Variants in GPC5 observed in about 807,000 individuals in gnomAD.
The protein encoded by GPC5 is glypican-5.
A neutral mutation model predicts 53.9 loss-of-function variants in GPC5; 47 were observed. The ratio of observed to expected loss-of-function variants is 0.87; its 90% CI spans 0.69 to 1.11. GPC5 has a LOEUF of 1.11. Among genes scored for constraint, GPC5 ranks in the 50% most tolerant of loss-of-function variants. The pLI is 0.00. For missense variants in GPC5, 748 were observed against 713.1 expected (o/e 1.05, Z -0.56); for synonymous variants, 286 against 263.3 (o/e 1.09, Z -0.84).
intron 2 of GPC5, among the ~76,000 whole-genome samples, chr13:91,505,352 G>GA (rs1234103689): frequency 6.6e-6 from 1 of 152,138 alleles, no homozygotes; most frequent in Non-Finnish European, 1.5e-5. Flanking sequence ...ATAATAATTG[G>GA]ATGATTACTT....
At chr13:91,651,198 G>T (rs2034700537) in intron 2 of GPC5, among the ~76,000 whole-genome samples, 1 of 151,622 alleles carries the variant, frequency 6.6e-6, no homozygotes, top group Non-Finnish European at 1.5e-5. Flanking sequence ...CTGTAGAAAT[G>T]GTCAAAGAGC....
At chr13:92,512,078 A>G (rs2138953653) in intron 7 of GPC5, among the ~76,000 whole-genome samples, 1 of 152,302 alleles carries the variant, frequency 6.6e-6, no homozygotes, top group African/African-American at 2.4e-5. Flanking sequence ...GACCAAGTTT[A>G]TCCTGTTTTC....
chr13:91,920,100 T>C (rs1016226966), intron 6 of GPC5, among the ~76,000 whole-genome samples: 7 of 151,290 alleles, frequency 4.6e-5, no homozygotes, highest in East Asian at 1.9e-4. Context: ...AAGGACAATA[T>C]GAAAAATGTA....
At chr13:91,668,905 C>G (rs2035179990) in intron 2 of GPC5, among the ~76,000 whole-genome samples, 1 of 152,076 alleles carries the variant, frequency 6.6e-6, no homozygotes, top group Admixed American at 6.5e-5. Flanking sequence ...AGAATTCAAC[C>G]AATCCATTTT....
At chr13:92,409,834 T>C (rs1344925334) in intron 7 of GPC5, among the ~76,000 whole-genome samples, 1 of 152,184 alleles carries the variant, frequency 6.6e-6, no homozygotes, top group African/African-American at 2.4e-5. Flanking sequence ...ACATTTATGG[T>C]CCAGCTTTTA....
intron 7 of GPC5, among the ~76,000 whole-genome samples, chr13:92,243,609 T>G (rs746622111): frequency 2.6e-5 from 4 of 152,204 alleles, no homozygotes; most frequent in Non-Finnish European, 4.4e-5. Context: ...TGATTACTTT[T>G]GTGAATGATA....
chr13:91,684,897 A>G (rs141251321), intron 2 of GPC5, among the ~76,000 whole-genome samples: 1 of 152,210 alleles, frequency 6.6e-6, no homozygotes, highest in Non-Finnish European at 1.5e-5. Flanking sequence ...CTGAGCTCCA[A>G]TCACATTGAC....
At position 92,554,491 on chromosome 13, in the gene GPC5, C is replaced by T. The variant is rs185982610; in HGVS notation, c.1562-311791C>T. On this transcript the variant is annotated intron_variant, in intron 7 of 7. Coordinates refer to ENST00000377067, the MANE Select transcript of GPC5 (RefSeq NM_004466.6). ...ACCTGTATAGATTTAACCCAACAAGCTAGAGATTAAAAAAAACATAATAAT... is the reference window on the plus strand; with the variant it reads ...ACCTGTATAGATTTAACCCAACAAGTTAGAGATTAAAAAAAACATAATAAT... Among the ~76,000 whole-genome samples, 9 of 150,470 alleles carry T rather than the reference C, an allele frequency of 6.0e-5. No homozygotes were observed. The East Asian group carries it at 1.8e-3, about 29-fold the overall frequency.
chr13:92,379,302 C>G (rs2043719250), intron 7 of GPC5, among the ~76,000 whole-genome samples: 1 of 152,188 alleles, frequency 6.6e-6, no homozygotes, highest in African/African-American at 2.4e-5. Flanking sequence ...TTCCCTCTCT[C>G]TGATGCCAGC....
At chr13:91,567,996 G>T (rs1254942328) in intron 2 of GPC5, among the ~76,000 whole-genome samples, 2 of 152,106 alleles carry the variant, frequency 1.3e-5, no homozygotes, top group Non-Finnish European at 2.9e-5. Flanking sequence ...AGATCTGATG[G>T]TTTTATAAGT....
chr13:92,376,727 C>T (rs898163674), intron 7 of GPC5, among the ~76,000 whole-genome samples: 1 of 152,154 alleles, frequency 6.6e-6, no homozygotes, highest in Non-Finnish European at 1.5e-5. Context: ...AGAAACTTCC[C>T]TGACTGGGCT....
intron 2 of GPC5, among the ~76,000 whole-genome samples, chr13:91,560,379 A>G (rs2031192784): frequency 6.6e-6 from 1 of 152,132 alleles, no homozygotes; most frequent in African/African-American, 2.4e-5. Flanking sequence ...AGGGGATATC[A>G]CCATTGATAT....
chr13:91,498,220 C>T (rs1884395843), intron 2 of GPC5, among the ~76,000 whole-genome samples: 1 of 144,380 alleles, frequency 6.9e-6, no homozygotes, highest in African/African-American at 2.6e-5. Flanking sequence ...ATTGTCTTTT[C>T]AGAAATCTCT....
intron 7 of GPC5, among the ~76,000 whole-genome samples, chr13:92,331,045 G>A (rs974824186): frequency 2.0e-5 from 3 of 151,854 alleles, no homozygotes; most frequent in Non-Finnish European, 4.4e-5. Flanking sequence ...TTCATCTTAG[G>A]GAATTTAACA....
At chr13:92,779,548 G>T (rs1452027575) in intron 7 of GPC5, among the ~76,000 whole-genome samples, 1 of 152,008 alleles carries the variant, frequency 6.6e-6, no homozygotes, top group Non-Finnish European at 1.5e-5. Context: ...ATACAGATGG[G>T]GTCTTTCTAG....
chr13:91,813,633 GTTT>G (rs1395635172), intron 5 of GPC5, among the ~76,000 whole-genome samples: 1 of 152,162 alleles, frequency 6.6e-6, no homozygotes, highest in Non-Finnish European at 1.5e-5. Flanking sequence ...TAGGAATGAA[GTTT>G]GCCGAGTATT....
Position 92,493,328 on chromosome 13 carries a change from T to C in GPC5, c.1561+348339T>C, listed in dbSNP as rs77889514. ...AATTAGAAGATATCACTTGTATGCA[T>C]ATCATTTTAAGAAATAACAGGGAGG... On this transcript the variant is annotated intron_variant, in intron 7 of 7. Coordinates refer to ENST00000377067, the MANE Select transcript of GPC5 (RefSeq NM_004466.6). 4.8e-3 allele frequency among the ~76,000 whole-genome samples: 732 copies of C among 152,342 alleles called. 6 individuals are homozygous for C. The highest frequency in any genetic ancestry group is 0.017 in the African/African-American group (690 of 41,590).
intron 2 of GPC5, among the ~76,000 whole-genome samples, chr13:91,670,363 G>C (rs2035216076): frequency 1.3e-5 from 2 of 152,262 alleles, no homozygotes; most frequent in South Asian, 2.1e-4. Flanking sequence ...CGAATGTATA[G>C]ACCAGGGTAG....
intron 7 of GPC5, among the ~76,000 whole-genome samples, chr13:92,366,095 C>G (rs895954366): frequency 6.6e-6 from 1 of 151,492 alleles, no homozygotes; most frequent in African/African-American, 2.4e-5. Context: ...AGTAATGCAT[C>G]CTGCTATGAT....
Sources: allele counts gnomAD v4.1 joint callset (sites outside exome capture counted in the v4.1 genomes callset), GRCh38; gene constraint gnomAD v4.1.1; transcripts MANE v1.5; gene names NCBI Gene and HGNC (gene_info 2026-07-23, HGNC 2026-07-21).